SORCS3: variants seen among roughly 807,000 people sequenced by gnomAD.
SORCS3 encodes the protein sortilin related VPS10 domain containing receptor 3, also known as VPS10 domain-containing receptor SorCS3.
SORCS3 carries 57 observed loss-of-function variants against 146.3 expected under a neutral mutation model. The ratio of observed to expected loss-of-function variants is 0.39; its 90% CI spans 0.31 to 0.49. The LOEUF (loss-of-function observed/expected upper bound fraction) is 0.49. Among genes scored for constraint, SORCS3 ranks in the 20% least tolerant of loss-of-function variants. The probability of loss-of-function intolerance (pLI) is 0.92; values close to 1 mark genes in which losing one functional copy is unlikely to be tolerated. For synonymous variants in SORCS3, 653 were observed against 618.5 expected (o/e 1.06, Z -0.83); for missense variants, 1,341 against 1,575.5 (o/e 0.85, Z 2.52).
intron 1 of SORCS3, among the ~76,000 whole-genome samples, chr10:104,655,177 G>A (rs1470349725): frequency 2.6e-5 from 4 of 151,690 alleles, no homozygotes; most frequent in East Asian, 3.9e-4. Flanking sequence ...CACTTGAACC[G>A]GGGAGGCGGA....
chr10:105,201,646 G>A (rs1484246), intron 16 of SORCS3, among the ~76,000 whole-genome samples: 36,574 of 152,066 alleles, frequency 0.24, 4,360 homozygotes, highest in South Asian at 0.3. Flanking sequence ...CCTCTCTCTT[G>A]TTTCCTTTTT....
At chr10:105,205,490 A>G (rs771042005) in intron 16 of SORCS3, among the ~76,000 whole-genome samples, 24 of 152,164 alleles carry the variant, frequency 1.6e-4, no homozygotes, top group Non-Finnish European at 2.9e-4. Context: ...AACCTCCATC[A>G]TGGCGCTGGA....
intron 3 of SORCS3, among the ~76,000 whole-genome samples, chr10:104,969,508 C>A (rs1333216398): frequency 6.6e-6 from 1 of 151,962 alleles, no homozygotes; most frequent in Non-Finnish European, 1.5e-5. Context: ...AGGTAAAATG[C>A]CCAGCATAGG....
intron 9 of SORCS3, 57 bp downstream of exon 9, chr10:105,147,853 A>G: frequency 6.7e-7 from 1 of 1,484,768 alleles, no homozygotes; most frequent in South Asian, 1.3e-5. Context: ...CTGAGTTTTA[A>G]TGGTATAAAC....
chr10:105,200,897 G>A (rs1464152511), intron 15 of SORCS3, among the ~76,000 whole-genome samples: 1 of 152,112 alleles, frequency 6.6e-6, no homozygotes, highest in African/African-American at 2.4e-5. Context: ...TGGCTTGGGT[G>A]GGTGGAGGGT....
chr10:104,785,444 C>T (rs1255940491), intron 1 of SORCS3, among the ~76,000 whole-genome samples: 4 of 141,814 alleles, frequency 2.8e-5, no homozygotes, highest in South Asian at 2.5e-4. Context: ...ACAAACACTG[C>T]GGAAGGCCGC....
chr10:105,115,366 C>T (rs970319389), intron 7 of SORCS3, among the ~76,000 whole-genome samples: 3 of 152,166 alleles, frequency 2.0e-5, no homozygotes, highest in African/African-American at 7.2e-5. Flanking sequence ...AGAGACTAAT[C>T]CACATGCAAA....
chr10:104,867,341 G>T (rs1234120590), intron 2 of SORCS3, among the ~76,000 whole-genome samples: 1 of 148,342 alleles, frequency 6.7e-6, no homozygotes. Context: ...ACGAAGTCTC[G>T]CTCTGTCGCC....
intron 4 of SORCS3, among the ~76,000 whole-genome samples, chr10:105,027,538 T>C (rs2055239146): frequency 6.6e-6 from 1 of 152,174 alleles, no homozygotes; most frequent in South Asian, 2.1e-4. Flanking sequence ...CCTGCTGCAG[T>C]TTATTTGTAA....
At chr10:104,668,811 G>C (rs2015815786) in intron 1 of SORCS3, among the ~76,000 whole-genome samples, 1 of 152,214 alleles carries the variant, frequency 6.6e-6, no homozygotes, top group Non-Finnish European at 1.5e-5. Flanking sequence ...TAGGTGAAGG[G>C]AGTCTAGGAA....
intron 7 of SORCS3, among the ~76,000 whole-genome samples, chr10:105,120,287 A>G (rs1436316617): frequency 2.0e-5 from 3 of 152,154 alleles, no homozygotes; most frequent in East Asian, 3.8e-4. Flanking sequence ...CCAGCCATGT[A>G]GAACTGTGAG....
At chr10:104,883,647 G>T (rs1039214310) in intron 2 of SORCS3, among the ~76,000 whole-genome samples, 4 of 152,166 alleles carry the variant, frequency 2.6e-5, no homozygotes, top group Non-Finnish European at 5.9e-5. Context: ...TATCTATGAG[G>T]AATATCTTAT....
At chr10:105,043,011 C>A (rs1263144083) in intron 4 of SORCS3, 44 bp from the exon 5 acceptor site, 1 of 1,543,910 alleles carries the variant, frequency 6.5e-7, no homozygotes, top group South Asian at 1.1e-5. Flanking sequence ...TCATGCCCAG[C>A]AGTGGTTCCT....
At chr10:104,815,096 C>G (rs1375694049) in intron 1 of SORCS3, among the ~76,000 whole-genome samples, 1 of 152,062 alleles carries the variant, frequency 6.6e-6, no homozygotes, top group African/African-American at 2.4e-5. Flanking sequence ...GACACCTGTG[C>G]GTGATTACTG....
intron 4 of SORCS3, among the ~76,000 whole-genome samples, chr10:104,985,064 C>A (rs2054954464): frequency 6.6e-6 from 1 of 152,086 alleles, no homozygotes; most frequent in South Asian, 2.1e-4. Flanking sequence ...GCTGCACTGA[C>A]AACTCTTCGT....
chr10:105,222,468 A>G (rs1463568576), intron 19 of SORCS3, among the ~76,000 whole-genome samples: 1 of 152,160 alleles, frequency 6.6e-6, no homozygotes, highest in Non-Finnish European at 1.5e-5. Context: ...TTGCTAGTTT[A>G]GAATATCATG....
At chr10:104,660,549 T>G (rs1299160079) in intron 1 of SORCS3, among the ~76,000 whole-genome samples, 1 of 152,136 alleles carries the variant, frequency 6.6e-6, no homozygotes, top group Non-Finnish European at 1.5e-5. Context: ...CACCCTCCCC[T>G]CTACCCAGCA....
intron 3 of SORCS3, among the ~76,000 whole-genome samples, chr10:104,941,296 A>C (rs528480980): frequency 6.6e-6 from 1 of 152,048 alleles, no homozygotes; most frequent in African/African-American, 2.4e-5. Context: ...GCCTCATTTT[A>C]CTCAGCCCCT....
intron 1 of SORCS3, among the ~76,000 whole-genome samples, chr10:104,742,267 C>G (rs2016857098): frequency 6.6e-6 from 1 of 152,140 alleles, no homozygotes; most frequent in Non-Finnish European, 1.5e-5. Context: ...TGTTTTTGTT[C>G]ATCTCCTTAG....
Sources: allele counts gnomAD v4.1 joint callset (sites outside exome capture counted in the v4.1 genomes callset), GRCh38; gene constraint gnomAD v4.1.1; transcripts MANE v1.5; gene names NCBI Gene and HGNC (gene_info 2026-07-23, HGNC 2026-07-21).